Variants in SKP2 observed in about 807,000 individuals in gnomAD.
The protein encoded by SKP2 is S-phase kinase-associated protein 2.
A neutral mutation model predicts 51.8 loss-of-function variants in SKP2; 16 were observed. That is an observed-to-expected ratio of 0.31 (90% CI 0.21 to 0.47). SKP2 has a LOEUF of 0.47. SKP2 is among the 20% of genes least tolerant of loss of function. The pLI, the probability that SKP2 is intolerant of heterozygous loss-of-function variation, is 1.00. For missense variants in SKP2, 377 were observed against 505.3 expected, an observed-to-expected ratio of 0.75 and a Z score of 2.43; for synonymous variants, 176 against 198.6, an observed-to-expected ratio of 0.89 and a Z score of 0.96.
chr5:36,166,724 G>C, intron 4 of SKP2, 62 bp downstream of exon 4: 1 of 1,011,980 alleles, frequency 9.9e-7, no homozygotes, highest in Non-Finnish European at 1.4e-6. Flanking sequence ...ACAGATCAAA[G>C]CTTTTTTTTT....
chr5:36,163,022 CCAT>C lies in SKP2; in HGVS notation c.281-622_281-620del, dbSNP rs1254907796. 2.6e-5 allele frequency among the ~76,000 whole-genome samples: 4 copies of C among 152,264 alleles called. No individual in the cohort carries two copies. The East Asian group carries it at 7.7e-4, about 29-fold the overall frequency. On this transcript the variant is annotated intron_variant, in intron 2 of 9. Coordinates refer to ENST00000274255, the MANE Select transcript of SKP2 (RefSeq NM_005983.4). ...GGCGGTTATCACCAGGTAACCGTCC[CCAT>C]GATTTGATTACCTCCCACTGGGTCC...
At chr5:36,190,501 T>C (rs1745998476) in intron 6 of SKP2, among the ~76,000 whole-genome samples, 1 of 152,058 alleles carries the variant, frequency 6.6e-6, no homozygotes, top group Admixed American at 6.6e-5. Context: ...ATACTATGTG[T>C]TTTATTGTCA....
intron 9 of SKP2, among the ~76,000 whole-genome samples, chr5:36,180,912 G>C (rs1016004267): frequency 2.0e-5 from 3 of 152,108 alleles, no homozygotes; most frequent in African/African-American, 7.2e-5. Flanking sequence ...CTGAGACTTT[G>C]TACTGTATGT....
chr5:36,182,145 G>T lies in SKP2; in HGVS notation c.*114G>T. 6.8e-7 allele frequency: 1 copy of T among 1,478,800 alleles called. No homozygotes were observed. The highest frequency in any genetic ancestry group is 2.5e-5 in the East Asian group (1 of 40,440). The allele number at this position is 1,478,800 out of a possible 1,614,324, so 91.6% of individuals were successfully genotyped here. A position where few individuals can be genotyped will look rare whatever the true frequency, so the allele number is the denominator to read the frequency against. ...TTGGTTTTCCCTTTGCCTTCATTCT[G>T]CAAGTATACTAGGGAGCCATTTGAG... On this transcript the variant is annotated 3_prime_UTR_variant, in exon 10 of 10. Coordinates refer to ENST00000274255, the MANE Select transcript of SKP2 (RefSeq NM_005983.4).
chr5:36,154,685 C>T (rs545557071), intron 2 of SKP2, among the ~76,000 whole-genome samples: 33 of 152,256 alleles, frequency 2.2e-4, no homozygotes, highest in Non-Finnish European at 3.5e-4. Context: ...TGCACCACCA[C>T]GCCCAGCAAT....
intron 7 of SKP2, 79 bp downstream of exon 7, chr5:36,171,812 C>T: frequency 7.0e-7 from 1 of 1,420,042 alleles, no homozygotes; most frequent in East Asian, 2.3e-5. Flanking sequence ...CTAATCATTC[C>T]TCCACATAAG....
chr5:36,164,117 G>A (rs901690787), intron 3 of SKP2, among the ~76,000 whole-genome samples: 4 of 152,172 alleles, frequency 2.6e-5, no homozygotes, highest in African/African-American at 9.6e-5. Flanking sequence ...TAGGGAGAGG[G>A]AACACAGGCT....
intron 7 of SKP2, chr5:36,192,998 A>G (rs966649129): frequency 6.6e-6 from 1 of 152,212 alleles, no homozygotes; most frequent in African/African-American, 2.4e-5. Flanking sequence ...ATAAACCCCC[A>G]TCACAGAGCA....
intron 6 of SKP2, among the ~76,000 whole-genome samples, chr5:36,189,416 T>A (rs1745985112): frequency 6.6e-6 from 1 of 152,192 alleles, no homozygotes; most frequent in African/African-American, 2.4e-5. Context: ...TGGATGTCCT[T>A]TCTGTTAGTG....
chr5:36,177,218 G>A lies in SKP2; in HGVS notation c.987G>A (p.Gln329=), dbSNP rs761527885. 6 of 1,612,146 alleles carry A rather than the reference G, an allele frequency of 3.7e-6. No homozygotes were observed. Among genetic ancestry groups the A allele is most frequent in the Non-Finnish European group, 5.1e-6 (6 of 1,178,588 alleles). Residue 329 remains glutamine, a synonymous_variant, in exon 9 of 10, where the codon CAG becomes CAA. Transcript: ENST00000274255. ...DSVMLKNDCF[Q]EFFQLNYLQH... ...TCATGCTAAAGAATGACTGCTTTCA[G>A]GAATTTTTCCAGCTCAACTACCTCC...
At chr5:36,190,765 T>C (rs542399885) in intron 6 of SKP2, among the ~76,000 whole-genome samples, 5 of 150,494 alleles carry the variant, frequency 3.3e-5, no homozygotes, top group African/African-American at 1.2e-4. Context: ...CCAATCTCAC[T>C]GAATCCATGA....
chr5:36,169,611 T>G (rs1745405616), intron 5 of SKP2, among the ~76,000 whole-genome samples: 1 of 152,136 alleles, frequency 6.6e-6, no homozygotes, highest in Admixed American at 6.5e-5. Flanking sequence ...TTCGTTCAAG[T>G]GAGAAAAGGT....
intron 2 of SKP2, among the ~76,000 whole-genome samples, chr5:36,160,019 T>C (rs1350074757): frequency 1.3e-5 from 2 of 152,244 alleles, no homozygotes; most frequent in Admixed American, 1.3e-4. Context: ...TACTCCCTGC[T>C]GCATTATTTA....
intron 2 of SKP2, among the ~76,000 whole-genome samples, chr5:36,162,899 G>A (rs549400063): frequency 4.6e-5 from 7 of 152,272 alleles, no homozygotes; most frequent in Admixed American, 1.3e-4. Context: ...TCCACATGGC[G>A]GCATCAAGTG....
At chr5:36,170,093 T>G (rs1745418419) in intron 5 of SKP2, among the ~76,000 whole-genome samples, 1 of 152,236 alleles carries the variant, frequency 6.6e-6, no homozygotes, top group Non-Finnish European at 1.5e-5. Flanking sequence ...TGCTTCATAG[T>G]AAGTCTTTTA....
At chr5:36,189,217 TCTCAA>T (rs1183717102), downstream of SKP2, among the ~76,000 whole-genome samples, 1 of 152,216 alleles carries the variant, frequency 6.6e-6, no homozygotes, top group Non-Finnish European at 1.5e-5. Flanking sequence ...AGCCTTCTTC[TCTCAA>T]CTCGTCAAAG....
chr5:36,188,912 G>C (rs888427811), downstream of SKP2, among the ~76,000 whole-genome samples: 3 of 151,976 alleles, frequency 2.0e-5, no homozygotes, highest in African/African-American at 7.3e-5. Context: ...CATATTTCTT[G>C]GAGGCTTTGT....
intron 9 of SKP2, among the ~76,000 whole-genome samples, chr5:36,180,512 T>C (rs1396803193): frequency 6.6e-6 from 1 of 152,212 alleles, no homozygotes. Context: ...TCAGCTAACG[T>C]ATATTAAACA....
rs552686064 is a variant in SKP2, at chr5:36,183,164, T to G, written c.*1133T>G. 33 of 972,560 alleles carry G rather than the reference T, an allele frequency of 3.4e-5. No homozygotes were observed. The South Asian group carries it at 1.5e-3, about 43-fold the overall frequency. The allele number at this position is 972,560 out of a possible 1,614,324, so 60.2% of individuals were successfully genotyped here. A position where few individuals can be genotyped will look rare whatever the true frequency, so the allele number is the denominator to read the frequency against. Reference sequence around the variant, plus strand: ...TTCAGTAGTAAGCACTACTTATACCTACATAAGAGTTAAAATCCAGATGTG... The same window carrying G: ...TTCAGTAGTAAGCACTACTTATACCGACATAAGAGTTAAAATCCAGATGTG... On this transcript the variant is annotated 3_prime_UTR_variant, in exon 10 of 10. Coordinates refer to ENST00000274255, the MANE Select transcript of SKP2 (RefSeq NM_005983.4).
Sources: gnomAD v4.1 joint callset for allele counts (sites outside exome capture counted in the v4.1 genomes callset) on GRCh38, gnomAD v4.1.1 for gene constraint, MANE v1.5 for transcripts, NCBI Gene and HGNC (gene_info 2026-07-23, HGNC 2026-07-21) for gene names.